Variants in FOCAD observed in about 807,000 individuals in gnomAD.
The protein encoded by FOCAD is focadhesin, also known as KIAA1797.
FOCAD carries 198 observed loss-of-function variants against 225.6 expected under a neutral mutation model. The observed-to-expected ratio is 0.88, with a 90% CI of 0.78 to 0.99. The LOEUF (loss-of-function observed/expected upper bound fraction) is 0.99, where lower values mean the gene tolerates loss of function less well. FOCAD is among the 50% of genes least tolerant of loss of function. The probability of loss-of-function intolerance (pLI) is 0.00; values close to 1 mark genes in which losing one functional copy is unlikely to be tolerated. For synonymous variants in FOCAD, 897 were observed against 755.0 expected (o/e 1.19, Z -3.08); for missense variants, 2,713 against 2,123.6 (o/e 1.28, Z -5.46).
At chr9:20,760,544 A>T (rs912549742) in intron 6 of FOCAD, among the ~76,000 whole-genome samples, 7 of 152,302 alleles carry the variant, frequency 4.6e-5, no homozygotes, top group Middle Eastern at 3.4e-3. Flanking sequence ...ACTTACTGGT[A>T]TCTACTGTAC....
rs370591090 is a variant in FOCAD, at chr9:20,841,591, G to A, written c.1920+18476G>A. 1.7e-4 allele frequency among the ~76,000 whole-genome samples: 26 copies of A among 151,918 alleles called. No individual in the cohort carries two copies. The East Asian group carries it at 2.5e-3, about 15-fold the overall frequency. ...TCTACTGATACTTTGAATTTCTGCA[G>A]TATTAGTTGTAATATCTCCTTATTC... On this transcript the variant is annotated intron_variant, in intron 15 of 43. Transcript: ENST00000338382.
At chr9:20,865,239 T>C (rs1242532575) in intron 16 of FOCAD, among the ~76,000 whole-genome samples, 3 of 152,068 alleles carry the variant, frequency 2.0e-5, no homozygotes, top group Non-Finnish European at 4.4e-5. Flanking sequence ...AGGAAATTAT[T>C]TGTGCTATTG....
At chr9:20,919,906 G>A (rs1320146667) in intron 24 of FOCAD, among the ~76,000 whole-genome samples, 14 of 151,742 alleles carry the variant, frequency 9.2e-5, no homozygotes, top group African/African-American at 3.4e-4. Flanking sequence ...GCATGGGCAA[G>A]GACTTCATGT....
chr9:20,689,387 T>A (rs766940368), intron 1 of FOCAD, among the ~76,000 whole-genome samples: 4 of 145,652 alleles, frequency 2.7e-5, no homozygotes, highest in Non-Finnish European at 6.0e-5. Flanking sequence ...AGATTGCCTA[T>A]GGTGGTGATC....
intron 11 of FOCAD, among the ~76,000 whole-genome samples, chr9:20,817,427 C>T (rs887231983): frequency 6.6e-6 from 1 of 152,128 alleles, no homozygotes; most frequent in South Asian, 2.1e-4. Context: ...AATCTACCTT[C>T]TATCTCTACA....
At chr9:20,766,694 A>G (rs975386395) in intron 7 of FOCAD, among the ~76,000 whole-genome samples, 3 of 149,316 alleles carry the variant, frequency 2.0e-5, no homozygotes, top group African/African-American at 7.4e-5. Flanking sequence ...CACTTTCTTA[A>G]TCTCTCCATT....
At chr9:20,873,000 C>A (rs572747436) in intron 18 of FOCAD, 1 of 152,134 alleles carries the variant, frequency 6.6e-6, no homozygotes, top group African/African-American at 2.4e-5. Flanking sequence ...GTACTTTATT[C>A]CTTTTTATGG....
At chr9:20,789,308 A>G (rs1820273552) in intron 10 of FOCAD, 43 bp from the exon 11 acceptor site, 1 of 1,585,370 alleles carries the variant, frequency 6.3e-7, no homozygotes, top group Admixed American at 1.7e-5. Context: ...TGACAAATAT[A>G]TTTATCTCAC....
At chr9:20,958,327 G>T (rs1023663242) in intron 35 of FOCAD, among the ~76,000 whole-genome samples, 7 of 151,388 alleles carry the variant, frequency 4.6e-5, no homozygotes, top group African/African-American at 1.7e-4. Flanking sequence ...ATAATTGCCA[G>T]AAGGTCTGAA....
At chr9:20,719,843 C>G (rs1341477596) in intron 3 of FOCAD, among the ~76,000 whole-genome samples, 1 of 130,582 alleles carries the variant, frequency 7.7e-6, no homozygotes, top group Non-Finnish European at 1.6e-5. Context: ...GCCTGTCCTA[C>G]TTCTCTCTTT....
At chr9:20,858,060 GTTA>G (rs1828380891) in intron 15 of FOCAD, among the ~76,000 whole-genome samples, 1 of 138,188 alleles carries the variant, frequency 7.2e-6, no homozygotes, top group Admixed American at 7.4e-5. Flanking sequence ...TCTTTTTTTT[GTTA>G]TATCTTTGTC....
chr9:20,926,981 C>T (rs755926446), intron 26 of FOCAD, among the ~76,000 whole-genome samples: 11 of 148,374 alleles, frequency 7.4e-5, no homozygotes, highest in Non-Finnish European at 1.0e-4. Context: ...TATATATGTA[C>T]GTACATATGC....
At chr9:20,892,391 G>T (rs974493200) in intron 21 of FOCAD, among the ~76,000 whole-genome samples, 2 of 152,184 alleles carry the variant, frequency 1.3e-5, no homozygotes, top group Non-Finnish European at 2.9e-5. Flanking sequence ...GATTTACCAT[G>T]TAGATGTCAT....
At chr9:20,931,407 C>T (rs1213395936) in intron 27 of FOCAD, among the ~76,000 whole-genome samples, 1 of 152,116 alleles carries the variant, frequency 6.6e-6, no homozygotes, top group Non-Finnish European at 1.5e-5. Context: ...ATTCATGGCT[C>T]CCACCTTCCC....
At chr9:20,827,470 C>A (rs747202358) in intron 15 of FOCAD, among the ~76,000 whole-genome samples, 1 of 151,858 alleles carries the variant, frequency 6.6e-6, no homozygotes, top group Non-Finnish European at 1.5e-5. Flanking sequence ...CACTAACAGA[C>A]AAATGGATAA....
intron 5 of FOCAD, among the ~76,000 whole-genome samples, chr9:20,749,313 A>G (rs368898698): frequency 3.2e-4 from 48 of 152,320 alleles, no homozygotes; most frequent in African/African-American, 9.6e-4. Flanking sequence ...CAAAAATGAC[A>G]AAATTAAAGT....
At chr9:20,813,653 G>A (rs1197450552) in intron 11 of FOCAD, among the ~76,000 whole-genome samples, 5 of 152,146 alleles carry the variant, frequency 3.3e-5, no homozygotes, top group Non-Finnish European at 4.4e-5. Flanking sequence ...TCTCACACGT[G>A]GTCCATCCTA....
At chr9:20,728,249 T>A (rs2131591132) in intron 4 of FOCAD, among the ~76,000 whole-genome samples, 1 of 152,286 alleles carries the variant, frequency 6.6e-6, no homozygotes, top group South Asian at 2.1e-4. Context: ...GTGTTTCAGA[T>A]TTTATGTTTT....
intron 1 of FOCAD, among the ~76,000 whole-genome samples, chr9:20,714,381 T>A (rs1825127870): frequency 6.6e-6 from 1 of 152,102 alleles, no homozygotes; most frequent in South Asian, 2.1e-4. Context: ...GGGAACTTGG[T>A]TTTTCTGCTT....
Sources: allele counts gnomAD v4.1 joint callset (sites outside exome capture counted in the v4.1 genomes callset), GRCh38; gene constraint gnomAD v4.1.1; transcripts MANE v1.5; gene names NCBI Gene and HGNC (gene_info 2026-07-23, HGNC 2026-07-21).